Variants in FBXL17 observed in about 807,000 individuals in gnomAD.
The protein encoded by FBXL17 is F-box/LRR-repeat protein 17.
A neutral mutation model predicts 66.2 loss-of-function variants in FBXL17; 22 were observed. The observed-to-expected ratio is 0.33, with a 90% confidence interval of 0.24 to 0.47. The LOEUF is 0.47. FBXL17 is among the 20% of genes least tolerant of loss of function. The probability of loss-of-function intolerance (pLI) is 1.00; values close to 1 mark genes in which losing one functional copy is unlikely to be tolerated. For synonymous variants in FBXL17, 474 were observed against 400.5 expected (o/e 1.18, Z -2.19); for missense variants, 878 against 948.2 (o/e 0.93, Z 0.97).
intron 3 of FBXL17, among the ~76,000 whole-genome samples, chr5:108,354,676 G>GA (rs1407452085): frequency 7.6e-6 from 1 of 132,042 alleles, no homozygotes; most frequent in Non-Finnish European, 1.6e-5. Flanking sequence ...AACAAACAAA[G>GA]AAAAAACTAC....
At chr5:108,334,420 C>A (rs149973552) in intron 4 of FBXL17, among the ~76,000 whole-genome samples, 1,843 of 152,258 alleles carry the variant, frequency 0.012, 15 homozygotes, top group Non-Finnish European at 0.019. Context: ...CCCTCATAGA[C>A]CCTACCTCAC....
intron 6 of FBXL17, among the ~76,000 whole-genome samples, chr5:108,175,156 C>T (rs1752752365): frequency 6.6e-6 from 1 of 152,092 alleles, no homozygotes; most frequent in South Asian, 2.1e-4. Context: ...ATCTATAATT[C>T]TCCCAACACG....
intron 7 of FBXL17, among the ~76,000 whole-genome samples, chr5:107,941,913 C>T (rs1249943885): frequency 6.6e-6 from 1 of 152,206 alleles, no homozygotes; most frequent in African/African-American, 2.4e-5. Context: ...CCGTGACCGT[C>T]GTGGCTGAAA....
intron 6 of FBXL17, among the ~76,000 whole-genome samples, chr5:108,108,701 G>C (rs1223610174): frequency 1.3e-5 from 2 of 151,276 alleles, no homozygotes; most frequent in African/African-American, 4.9e-5. Flanking sequence ...CTGGATCTGT[G>C]TCCTTACTTA....
At chr5:107,869,443 T>C (rs1748380740) in intron 8 of FBXL17, among the ~76,000 whole-genome samples, 1 of 152,134 alleles carries the variant, frequency 6.6e-6, no homozygotes, top group Admixed American at 6.5e-5. Context: ...CAGGGTAATG[T>C]GAATTTTAGT....
intron 7 of FBXL17, among the ~76,000 whole-genome samples, chr5:107,903,765 T>C (rs972346029): frequency 1.4e-4 from 21 of 152,060 alleles, no homozygotes; most frequent in Non-Finnish European, 5.9e-5. Flanking sequence ...CCAGGAAAAA[T>C]AGAAACCATC....
At chr5:108,246,009 C>T (rs1756079015) in intron 4 of FBXL17, among the ~76,000 whole-genome samples, 1 of 152,064 alleles carries the variant, frequency 6.6e-6, no homozygotes, top group Admixed American at 6.6e-5. Flanking sequence ...TTGATTTGGA[C>T]CTCAGTGCCT....
intron 7 of FBXL17, among the ~76,000 whole-genome samples, chr5:107,900,796 C>G (rs538141106): frequency 6.6e-6 from 1 of 152,236 alleles, no homozygotes; most frequent in African/African-American, 2.4e-5. Flanking sequence ...AGGTGACAAT[C>G]TCTTTTTAAA....
intron 8 of FBXL17, among the ~76,000 whole-genome samples, chr5:107,872,692 G>T (rs184804131): frequency 2.0e-5 from 3 of 152,308 alleles, no homozygotes; most frequent in Admixed American, 2.0e-4. Flanking sequence ...GGAAAGAGAC[G>T]AAGGTAGGAA....
intron 5 of FBXL17, among the ~76,000 whole-genome samples, chr5:108,188,220 G>GTCAC (rs2150034609): frequency 6.6e-6 from 1 of 152,252 alleles, no homozygotes; most frequent in South Asian, 2.1e-4. Flanking sequence ...AGTTCATAGA[G>GTCAC]TCACTACTCA....
chr5:108,367,655 G>A (rs1228794248), intron 2 of FBXL17, among the ~76,000 whole-genome samples, 176 bp downstream of exon 2: 1 of 152,070 alleles, frequency 6.6e-6, no homozygotes. Context: ...TGTTTACTAT[G>A]AGAATCTAGC....
In FBXL17 at chr5:107,980,538, G is replaced by A. The variant is rs991021746; in HGVS notation, c.1822+40387C>T. On this transcript the variant is annotated intron_variant, in intron 7 of 8. Transcript: ENST00000542267. ...TTTTGTAGAGACAAGGTTTCACCAT[G>A]TTGCCCAGGTTGGTCTTGAACTCCT... 1.1e-3 allele frequency among the ~76,000 whole-genome samples: 164 copies of A among 147,686 alleles called. 1 individual carries two copies. Among genetic ancestry groups the A allele is most frequent in the African/African-American group, 3.9e-3 (154 of 39,540 alleles).
chr5:107,948,752 T>C (rs1004565462), intron 7 of FBXL17, among the ~76,000 whole-genome samples: 3 of 152,196 alleles, frequency 2.0e-5, no homozygotes, highest in Non-Finnish European at 4.4e-5. Context: ...ATTGAGAAAG[T>C]TATAGGACCT....
chr5:108,239,990 C>A (rs1259449821), intron 4 of FBXL17, among the ~76,000 whole-genome samples: 1 of 151,836 alleles, frequency 6.6e-6, no homozygotes, highest in African/African-American at 2.4e-5. Context: ...AAGGGAAGGA[C>A]CTTGGCCTGG....
chr5:107,989,652 C>T (rs186388322), intron 7 of FBXL17, among the ~76,000 whole-genome samples: 4 of 152,178 alleles, frequency 2.6e-5, no homozygotes, highest in Non-Finnish European at 5.9e-5. Context: ...TGGATATATA[C>T]CCAGCTGTGG....
At chr5:107,908,823 T>C (rs147290481) in intron 7 of FBXL17, among the ~76,000 whole-genome samples, 1 of 152,254 alleles carries the variant, frequency 6.6e-6, no homozygotes, top group African/African-American at 2.4e-5. Flanking sequence ...TGAGATCTTC[T>C]GAGGACAGTG....
At chr5:107,997,083 CA>C (rs1241689310) in intron 7 of FBXL17, among the ~76,000 whole-genome samples, 1 of 152,176 alleles carries the variant, frequency 6.6e-6, no homozygotes, top group African/African-American at 2.4e-5. Flanking sequence ...TGAAAACTTA[CA>C]GCATGGAGTA....
chr5:108,236,981 T>C (rs1024993603), intron 4 of FBXL17, among the ~76,000 whole-genome samples: 1 of 152,132 alleles, frequency 6.6e-6, no homozygotes, highest in African/African-American at 2.4e-5. Context: ...TGTGGAATAG[T>C]TTGGTTGTCT....
At chr5:108,123,395 G>A (rs1750579300) in intron 6 of FBXL17, among the ~76,000 whole-genome samples, 1 of 152,196 alleles carries the variant, frequency 6.6e-6, no homozygotes, top group East Asian at 1.9e-4. Flanking sequence ...CCAAAGATCA[G>A]CAACCATGTG....
Sources: gnomAD v4.1 joint callset for allele counts (sites outside exome capture counted in the v4.1 genomes callset) on GRCh38, gnomAD v4.1.1 for gene constraint, MANE v1.5 for transcripts, NCBI Gene and HGNC (gene_info 2026-07-23, HGNC 2026-07-21) for gene names.